Variants in ADAMTSL1 observed in about 807,000 individuals in gnomAD.
ADAMTSL1 encodes ADAMTS like 1.
In ADAMTSL1, 126 loss-of-function variants were observed where a neutral mutation model predicts 201.8. The observed-to-expected ratio is 0.62, with a 90% CI of 0.54 to 0.72. The LOEUF (loss-of-function observed/expected upper bound fraction) is 0.72. Among genes scored for constraint, ADAMTSL1 ranks in the 30% least tolerant of loss-of-function variants. The pLI, the probability that ADAMTSL1 is intolerant of heterozygous loss-of-function variation, is 0.00. For synonymous variants in ADAMTSL1, 1,121 were observed against 903.4 expected (o/e 1.24, Z -4.32); for missense variants, 2,679 against 2,277.8 (o/e 1.18, Z -3.59).
intron 20 of ADAMTSL1, among the ~76,000 whole-genome samples, chr9:18,815,907 G>A (rs1823819138): frequency 6.6e-6 from 1 of 152,006 alleles, no homozygotes. Context: ...GGGGAACAGT[G>A]TGATTTTTTT....
intron 14 of ADAMTSL1, among the ~76,000 whole-genome samples, chr9:18,714,137 A>G (rs1444165687): frequency 3.9e-5 from 6 of 152,250 alleles, no homozygotes; most frequent in African/African-American, 1.4e-4. Flanking sequence ...AATGCCCACA[A>G]GAGAAAGCAC....
intron 23 of ADAMTSL1, among the ~76,000 whole-genome samples, chr9:18,831,691 C>T (rs188717688): frequency 3.9e-5 from 6 of 152,210 alleles, no homozygotes; most frequent in African/African-American, 4.8e-5. Context: ...AATTCCCAGT[C>T]CACATCCAGA....
At chr9:18,757,644 C>A (rs1317370522) in intron 16 of ADAMTSL1, among the ~76,000 whole-genome samples, 3 of 152,094 alleles carry the variant, frequency 2.0e-5, no homozygotes, top group Non-Finnish European at 4.4e-5. Flanking sequence ...AGAGAGCCTC[C>A]CTCTTCTGCA....
chr9:18,768,483 T>A (rs1588073321), intron 16 of ADAMTSL1, among the ~76,000 whole-genome samples: 1 of 130,034 alleles, frequency 7.7e-6, no homozygotes, highest in African/African-American at 2.9e-5. Context: ...TTCTGTAAAG[T>A]GGAAATAAGA....
intron 23 of ADAMTSL1, among the ~76,000 whole-genome samples, chr9:18,833,427 G>A (rs1286514993): frequency 6.6e-6 from 1 of 152,132 alleles, no homozygotes; most frequent in Admixed American, 6.5e-5. Context: ...GTCTCATTGT[G>A]GTTTTGATTT....
intron 7 of ADAMTSL1, among the ~76,000 whole-genome samples, chr9:18,646,779 G>A (rs192480243): frequency 2.0e-5 from 3 of 152,260 alleles, no homozygotes; most frequent in Admixed American, 6.5e-5. Context: ...TGTGCTGCTG[G>A]ATTCGGTTTG....
intron 23 of ADAMTSL1, among the ~76,000 whole-genome samples, chr9:18,838,606 T>C (rs1338733383): frequency 2.0e-5 from 3 of 152,060 alleles, no homozygotes. Context: ...ATGGGAGGAT[T>C]GCTTGAGGTC....
chr9:18,536,249 T>C (rs1452908287), intron 3 of ADAMTSL1, among the ~76,000 whole-genome samples: 1 of 152,160 alleles, frequency 6.6e-6, no homozygotes, highest in Non-Finnish European at 1.5e-5. Context: ...TTGGAAAAAC[T>C]TGAGAGTCTC....
At chr9:18,735,912 A>T (rs1234406398) in intron 15 of ADAMTSL1, among the ~76,000 whole-genome samples, 4 of 139,462 alleles carry the variant, frequency 2.9e-5, no homozygotes, top group Non-Finnish European at 4.8e-5. Context: ...AAAAAAAAAA[A>T]TGTGTAGGTG....
intron 2 of ADAMTSL1, among the ~76,000 whole-genome samples, chr9:18,198,870 C>A (rs2132264282): frequency 7.0e-6 from 1 of 143,382 alleles, no homozygotes; most frequent in Non-Finnish European, 1.5e-5. Flanking sequence ...AAATGTCCAA[C>A]AATGATAGAC....
At chr9:17,946,258 C>T (rs541747599) in intron 1 of ADAMTSL1, among the ~76,000 whole-genome samples, 17 of 151,990 alleles carry the variant, frequency 1.1e-4, no homozygotes, top group African/African-American at 4.1e-4. Context: ...CTTAGTCTCC[C>T]AAAGTATTTG....
chr9:18,859,015 A>G (rs570838108), intron 23 of ADAMTSL1, among the ~76,000 whole-genome samples: 41 of 152,374 alleles, frequency 2.7e-4, no homozygotes, highest in African/African-American at 8.9e-4. Flanking sequence ...ATTAAAGAAA[A>G]GCAAATAAAA....
chr9:18,742,474 A>G lies in ADAMTSL1; in HGVS notation c.2007-10824A>G, dbSNP rs528342394. 3.9e-5 allele frequency among the ~76,000 whole-genome samples: 6 copies of G among 152,384 alleles called. No homozygotes were observed. In the South Asian group the frequency reaches 8.3e-4, roughly 21 times the overall value. On this transcript the variant is annotated intron_variant, in intron 15 of 28. Transcript: ENST00000380548. ...GTCAGATTAAATGCTATAGCAGTTTACTTAGAATAGCTGTGTAGTAAGTAT... is the reference window on the plus strand; with the variant it reads ...GTCAGATTAAATGCTATAGCAGTTTGCTTAGAATAGCTGTGTAGTAAGTAT...
intron 1 of ADAMTSL1, among the ~76,000 whole-genome samples, chr9:18,065,712 G>A (rs1822662718): frequency 6.6e-6 from 1 of 152,184 alleles, no homozygotes; most frequent in Admixed American, 6.5e-5. Flanking sequence ...CAGGCGCGGT[G>A]GCTCACGCCT....
At position 18,777,418 on chromosome 9, in the gene ADAMTSL1, G is replaced by A. The variant is rs915215953; in HGVS notation, c.3189G>A (p.Val1063=). ...TSEEDPGAEQ[V]LLHLPFTMVT... is the part of the protein sequence containing the mutation. ...AGGAGGACCCGGGTGCAGAGCAAGT[G>A]CTCCTGCACCTGCCCTTCACCATGG... Residue 1063 remains valine (V), a synonymous_variant, in exon 19 of 29, where the codon GTG becomes GTA. Transcript: ENST00000380548. 3 of 1,601,592 alleles carry A rather than the reference G, an allele frequency of 1.9e-6. No individual in the cohort carries two copies. The highest frequency in any genetic ancestry group is 1.7e-5 in the Admixed American group (1 of 58,324).
chr9:18,450,571 A>G (rs1820365560), intron 2 of ADAMTSL1, among the ~76,000 whole-genome samples: 3 of 151,504 alleles, frequency 2.0e-5, no homozygotes, highest in African/African-American at 7.3e-5. Flanking sequence ...ATATATACAT[A>G]TATAGATATA....
intron 1 of ADAMTSL1, among the ~76,000 whole-genome samples, chr9:18,108,567 C>A (rs1824864897): frequency 6.6e-6 from 1 of 151,942 alleles, no homozygotes; most frequent in Admixed American, 6.6e-5. Flanking sequence ...AAATATTGGT[C>A]TGTGTCTAGT....
chr9:17,935,642 C>T (rs148321639), intron 1 of ADAMTSL1, among the ~76,000 whole-genome samples: 83 of 152,250 alleles, frequency 5.5e-4, no homozygotes, highest in African/African-American at 1.9e-3. Context: ...AGGTCAAAAA[C>T]GTAGTTGTTC....
At chr9:18,290,550 C>G (rs1339417760) in intron 2 of ADAMTSL1, among the ~76,000 whole-genome samples, 3 of 151,896 alleles carry the variant, frequency 2.0e-5, no homozygotes, top group Non-Finnish European at 4.4e-5. Context: ...TAAAATGGCT[C>G]TCTCACATGG....
Sources: gnomAD v4.1 joint callset for allele counts (sites outside exome capture counted in the v4.1 genomes callset) on GRCh38, gnomAD v4.1.1 for gene constraint, MANE v1.5 for transcripts, NCBI Gene and HGNC (gene_info 2026-07-23, HGNC 2026-07-21) for gene names.